CMC1: variants seen among roughly 807,000 people sequenced by gnomAD.
The protein encoded by CMC1 is C-X9-C motif containing 1.
In CMC1, 14 loss-of-function variants were observed where a neutral mutation model predicts 14.1. The ratio of observed to expected loss-of-function variants is 0.99; its 90% CI spans 0.66 to 1.55. The LOEUF is 1.55. Among genes scored for constraint, CMC1 ranks in the 40% most tolerant of loss-of-function variants. The pLI, the probability that CMC1 is intolerant of heterozygous loss-of-function variation, is 0.00. For synonymous variants in CMC1, 50 were observed against 38.4 expected, an observed-to-expected ratio of 1.30 and a Z score of -1.12; for missense variants, 127 against 123.8, an observed-to-expected ratio of 1.03 and a Z score of -0.12.
At chr3:28,244,140 A>G (rs1186836517) in intron 1 of CMC1, among the ~76,000 whole-genome samples, 1 of 152,226 alleles carries the variant, frequency 6.6e-6, no homozygotes, top group African/African-American at 2.4e-5. Flanking sequence ...GCTGGCTGTG[A>G]TAATAAAGCA....
chr3:28,258,768 C>T (rs13325257), intron 1 of CMC1, among the ~76,000 whole-genome samples: 8,162 of 151,690 alleles, frequency 0.054, 760 homozygotes, highest in African/African-American at 0.19. Context: ...TACAGGCACC[C>T]GCCACCAAGT....
intron 1 of CMC1, among the ~76,000 whole-genome samples, chr3:28,244,675 G>C (rs1405768487): frequency 5.3e-5 from 8 of 151,918 alleles, no homozygotes; most frequent in Non-Finnish European, 8.8e-5. Context: ...GCAGTGAGCC[G>C]AGGTTGCGCC....
At chr3:28,315,219 A>T (rs1295397878) in intron 2 of CMC1, 2 of 152,196 alleles carry the variant, frequency 1.3e-5, no homozygotes, top group Non-Finnish European at 2.9e-5. Context: ...AAGGGATAAG[A>T]CAGGACTGAG....
chr3:28,319,467 C>T (rs1014914885), intron 3 of CMC1, 42 bp from the exon 4 acceptor site: 1 of 1,527,608 alleles, frequency 6.5e-7, no homozygotes, highest in East Asian at 2.3e-5. Flanking sequence ...TTAACACATG[C>T]AGGATTATTT....
chr3:28,253,086 G>A (rs1030500227), intron 1 of CMC1, among the ~76,000 whole-genome samples: 1 of 152,136 alleles, frequency 6.6e-6, no homozygotes, highest in South Asian at 2.1e-4. Flanking sequence ...TAGCAAGAAG[G>A]TATGAACAAA....
chr3:28,268,799 C>A (rs1460084214), intron 2 of CMC1, among the ~76,000 whole-genome samples: 1 of 152,154 alleles, frequency 6.6e-6, no homozygotes, highest in East Asian at 1.9e-4. Context: ...CCAATGGAAT[C>A]ATGAGTAATA....
chr3:28,306,182 T>G (rs1025441602), intron 2 of CMC1, among the ~76,000 whole-genome samples: 1 of 152,170 alleles, frequency 6.6e-6, no homozygotes, highest in Non-Finnish European at 1.5e-5. Context: ...CTTTTTTGGT[T>G]GCATATAAAT....
chr3:28,286,430 G>C (rs1370584362), intron 2 of CMC1, among the ~76,000 whole-genome samples: 1 of 152,056 alleles, frequency 6.6e-6, no homozygotes, highest in Non-Finnish European at 1.5e-5. Flanking sequence ...ATGTCATTTA[G>C]TGAATGTAAA....
intron 2 of CMC1, among the ~76,000 whole-genome samples, chr3:28,300,994 G>C (rs188865621): frequency 2.0e-3 from 286 of 139,942 alleles, no homozygotes; most frequent in African/African-American, 7.3e-3. Flanking sequence ...TCACTTTTAA[G>C]TCTTAGGGGT....
intron 2 of CMC1, among the ~76,000 whole-genome samples, chr3:28,269,929 C>T (rs1228847640): frequency 6.6e-6 from 1 of 152,166 alleles, no homozygotes; most frequent in Non-Finnish European, 1.5e-5. Context: ...TCCCTGCCTC[C>T]CTGCCCCCAA....
intron 2 of CMC1, among the ~76,000 whole-genome samples, chr3:28,313,241 T>C (rs1192168816): frequency 6.6e-6 from 1 of 152,172 alleles, no homozygotes; most frequent in Non-Finnish European, 1.5e-5. Flanking sequence ...GACACAGACT[T>C]TTATGTTCTT....
At chr3:28,251,965 CG>C (rs1352081096) in intron 1 of CMC1, among the ~76,000 whole-genome samples, 30 of 152,260 alleles carry the variant, frequency 2.0e-4, no homozygotes, top group Admixed American at 1.8e-3. Flanking sequence ...TGCTTGTAGG[CG>C]CAAAGACAGT....
intron 2 of CMC1, among the ~76,000 whole-genome samples, chr3:28,307,565 A>G (rs905090477): frequency 1.3e-5 from 2 of 152,182 alleles, no homozygotes; most frequent in African/African-American, 4.8e-5. Flanking sequence ...CATCTGGGAT[A>G]CTGTCACCTG....
intron 3 of CMC1, chr3:28,319,103 G>A (rs1703079229): frequency 2.7e-6 from 1 of 367,370 alleles, no homozygotes; most frequent in South Asian, 2.1e-5. Context: ...CCTTCTATAT[G>A]GATTTCTGTT....
intron 1 of CMC1, among the ~76,000 whole-genome samples, chr3:28,254,814 T>C (rs1699308372): frequency 6.6e-6 from 1 of 152,240 alleles, no homozygotes; most frequent in South Asian, 2.1e-4. Flanking sequence ...TGAAAAAATT[T>C]TGTAATTTTG....
rs879794518 is a variant in CMC1 at position 28,289,108 on chromosome 3, G to GT, written c.109+25736dup. Among the ~76,000 whole-genome samples the GT allele has an allele frequency of 9.3e-5, 14 of 150,462 alleles. No individual in the cohort carries two copies. The South Asian group carries it at 2.5e-3, about 27-fold the overall frequency. On this transcript the variant is annotated intron_variant, in intron 2 of 3. Coordinates refer to ENST00000466830, the MANE Select transcript of CMC1 (RefSeq NM_182523.2). ...TTTTTAAAATTTTATGTTCTTTGAG[G>GT]TTTTTTTTAAGTTTTTGAATTAAGA...
intron 2 of CMC1, among the ~76,000 whole-genome samples, chr3:28,290,105 C>CAGTT (rs1156399409): frequency 1.2e-4 from 19 of 152,084 alleles, no homozygotes; most frequent in African/African-American, 3.9e-4. Context: ...TATGAAAGTA[C>CAGTT]AGTTATACTT....
At chr3:28,276,616 A>G (rs558077062) in intron 2 of CMC1, among the ~76,000 whole-genome samples, 1 of 152,324 alleles carries the variant, frequency 6.6e-6, no homozygotes, top group South Asian at 2.1e-4. Flanking sequence ...ATACAATCTG[A>G]GTAGAAGATC....
At chr3:28,292,874 T>G (rs1451228422) in intron 2 of CMC1, 1 of 152,190 alleles carries the variant, frequency 6.6e-6, no homozygotes, top group Non-Finnish European at 1.5e-5. Flanking sequence ...CTTCATCAAA[T>G]TGTTGATTCA....
Sources: allele counts gnomAD v4.1 joint callset (sites outside exome capture counted in the v4.1 genomes callset), GRCh38; gene constraint gnomAD v4.1.1; transcripts MANE v1.5; gene names NCBI Gene and HGNC (gene_info 2026-07-23, HGNC 2026-07-21).